The following PRSS12 variants were observed in gnomAD, a reference collection of about 807,000 sequenced individuals.
The protein encoded by PRSS12 is neurotrypsin.
In PRSS12, 85 loss-of-function variants were observed where a neutral mutation model predicts 104.4. The ratio of observed to expected loss-of-function variants is 0.81; its 90% confidence interval spans 0.68 to 0.98. The LOEUF is 0.98. Among genes scored for constraint, PRSS12 ranks in the 50% least tolerant of loss-of-function variants. The probability of loss-of-function intolerance (pLI) is 0.00; values close to 1 mark genes in which losing one functional copy is unlikely to be tolerated. For synonymous variants in PRSS12, 454 were observed against 425.2 expected (o/e 1.07, Z -0.83); for missense variants, 1,141 against 1,139.2 (o/e 1.00, Z -0.02).
intron 1 of PRSS12, among the ~76,000 whole-genome samples, chr4:118,340,743 G>T (rs1321550574): frequency 6.6e-6 from 1 of 152,182 alleles, no homozygotes; most frequent in Non-Finnish European, 1.5e-5. Flanking sequence ...GTGGTTTTAC[G>T]TGACGTGGGA....
chr4:118,348,256 T>C (rs1467319425), intron 1 of PRSS12, among the ~76,000 whole-genome samples: 1 of 152,164 alleles, frequency 6.6e-6, no homozygotes, highest in Non-Finnish European at 1.5e-5. Flanking sequence ...ATTACTATCT[T>C]ACACTGGTCA....
At chr4:118,314,348 A>G (rs1314729059) in intron 6 of PRSS12, among the ~76,000 whole-genome samples, 2 of 152,146 alleles carry the variant, frequency 1.3e-5, no homozygotes, top group Non-Finnish European at 2.9e-5. Flanking sequence ...ATTTGACAAA[A>G]TGAATATTTT....
At chr4:118,298,288 T>A (rs1743301539) in intron 9 of PRSS12, among the ~76,000 whole-genome samples, 1 of 152,172 alleles carries the variant, frequency 6.6e-6, no homozygotes, top group Non-Finnish European at 1.5e-5. Flanking sequence ...CTACAAAACA[T>A]CATTTTCTTT....
At chr4:118,339,704 C>T (rs1224450700) in intron 1 of PRSS12, among the ~76,000 whole-genome samples, 3 of 152,142 alleles carry the variant, frequency 2.0e-5, no homozygotes, top group African/African-American at 7.2e-5. Flanking sequence ...AAGAGGAAGT[C>T]CTGCCTAGCT....
chr4:118,318,692 T>A, intron 4 of PRSS12, 136 bp from the exon 5 acceptor site: 1 of 907,728 alleles, frequency 1.1e-6, no homozygotes, highest in Non-Finnish European at 1.7e-6. Flanking sequence ...CATGACTTTC[T>A]GTATTTCTTT....
chr4:118,310,898 A>T (rs770698478), intron 7 of PRSS12, among the ~76,000 whole-genome samples: 1 of 152,064 alleles, frequency 6.6e-6, no homozygotes, highest in Non-Finnish European at 1.5e-5. Flanking sequence ...TAAAAATACA[A>T]ATATTAGCTG....
chr4:118,352,180 C>A, intron 1 of PRSS12, 39 bp downstream of exon 1: 1 of 1,607,992 alleles, frequency 6.2e-7, no homozygotes, highest in Non-Finnish European at 8.5e-7. Context: ...TGGCTCCGAG[C>A]CCGTCCGGAG....
At chr4:118,339,741 T>C (rs1724153279) in intron 1 of PRSS12, among the ~76,000 whole-genome samples, 1 of 152,180 alleles carries the variant, frequency 6.6e-6, no homozygotes, top group African/African-American at 2.4e-5. Context: ...ACAGAATATT[T>C]TTAAGGAAGT....
At chr4:118,319,284 T>A (rs368256543) in intron 4 of PRSS12, among the ~76,000 whole-genome samples, 6 of 152,088 alleles carry the variant, frequency 3.9e-5, no homozygotes, top group African/African-American at 1.4e-4. Context: ...CCCAGGCTGG[T>A]CTTGAAATCC....
chr4:118,293,056 A>G (rs1480852091), intron 11 of PRSS12, among the ~76,000 whole-genome samples: 1 of 151,506 alleles, frequency 6.6e-6, no homozygotes, highest in Admixed American at 6.6e-5. Flanking sequence ...AATAAAATAC[A>G]TATTATCTGC....
At chr4:118,350,495 T>C (rs1263661082) in intron 1 of PRSS12, among the ~76,000 whole-genome samples, 1 of 152,232 alleles carries the variant, frequency 6.6e-6, no homozygotes, top group Non-Finnish European at 1.5e-5. Context: ...TTCCTATTTT[T>C]TTGTGGTGGT....
intron 4 of PRSS12, among the ~76,000 whole-genome samples, chr4:118,324,649 T>C (rs1474175558): frequency 6.6e-6 from 1 of 152,084 alleles, no homozygotes; most frequent in Admixed American, 6.5e-5. Context: ...GGGGATGCTA[T>C]GTATTTTTAA....
At chr4:118,288,595 G>A (rs1398461473) in intron 11 of PRSS12, among the ~76,000 whole-genome samples, 1 of 152,164 alleles carries the variant, frequency 6.6e-6, no homozygotes, top group Non-Finnish European at 1.5e-5. Flanking sequence ...TAAAATTACA[G>A]AAATAAGAAA....
At chr4:118,291,514 T>A (rs1388285711) in intron 11 of PRSS12, among the ~76,000 whole-genome samples, 1 of 152,200 alleles carries the variant, frequency 6.6e-6, no homozygotes, top group Non-Finnish European at 1.5e-5. Flanking sequence ...GCAAAAATTA[T>A]CTTATCTCCC....
chr4:118,333,994 T>C (rs1451947208), intron 3 of PRSS12, among the ~76,000 whole-genome samples: 3 of 152,206 alleles, frequency 2.0e-5, no homozygotes, highest in Non-Finnish European at 4.4e-5. Flanking sequence ...TGCAATCTTC[T>C]ACTTTGAAAT....
At chr4:118,287,926 T>C (rs1279154681) in intron 11 of PRSS12, among the ~76,000 whole-genome samples, 1 of 152,148 alleles carries the variant, frequency 6.6e-6, no homozygotes, top group African/African-American at 2.4e-5. Context: ...TGGATGAAAT[T>C]CCCAGACAAG....
chr4:118,345,879 C>A lies in PRSS12; in HGVS notation c.502+6340G>T, dbSNP rs150526670. Reference sequence around the variant, plus strand: ...CCTTTTGGTTCTGATCAACAACTACCTTGTTTCCTCCTTGCCAGTTGAATC... The same window carrying A: ...CCTTTTGGTTCTGATCAACAACTACATTGTTTCCTCCTTGCCAGTTGAATC... On this transcript the variant is annotated intron_variant, in intron 1 of 12. Transcript: ENST00000296498. 7.9e-5 allele frequency among the ~76,000 whole-genome samples: 12 copies of A among 152,312 alleles called. No individual in the cohort carries two copies. The East Asian group carries it at 2.3e-3, about 29-fold the overall frequency.
intron 4 of PRSS12, among the ~76,000 whole-genome samples, chr4:118,325,644 T>C (rs1723751777): frequency 2.6e-5 from 4 of 152,126 alleles, no homozygotes; most frequent in Admixed American, 2.6e-4. Context: ...ATGACTCTGC[T>C]TTTAAAGAGT....
At chr4:118,282,788 C>T in intron 12 of PRSS12, 43 bp downstream of exon 12, 1 of 1,612,018 alleles carries the variant, frequency 6.2e-7, no homozygotes. Flanking sequence ...ATGGATAATA[C>T]CAGACACAAA....
Sources: allele counts gnomAD v4.1 joint callset (sites outside exome capture counted in the v4.1 genomes callset), GRCh38; gene constraint gnomAD v4.1.1; transcripts MANE v1.5; gene names NCBI Gene and HGNC (gene_info 2026-07-23, HGNC 2026-07-21).